The following ZMPSTE24 variants were observed in gnomAD, a reference collection of about 807,000 sequenced individuals.
ZMPSTE24 encodes the protein zinc metallopeptidase STE24.
In ZMPSTE24, 48 loss-of-function variants were observed where a neutral mutation model predicts 56.7. That is an observed-to-expected ratio of 0.85 (90% CI 0.67 to 1.08). The LOEUF (loss-of-function observed/expected upper bound fraction) is 1.08. Among genes scored for constraint, ZMPSTE24 ranks in the 50% least tolerant of loss-of-function variants. ZMPSTE24 has a pLI of 0.00. For missense variants in ZMPSTE24, 503 were observed against 548.7 expected (o/e 0.92, Z 0.83); for synonymous variants, 172 against 195.2 (o/e 0.88, Z 0.99).
rs1643865432 is a variant in ZMPSTE24 at position 40,294,085 on chromosome 1, C to T, written c.*1416C>T. On this transcript the variant is annotated 3_prime_UTR_variant, in exon 10 of 10. Coordinates refer to ENST00000372759, the MANE Select transcript of ZMPSTE24 (RefSeq NM_005857.5). ...ATTCAGCATCCTTTATCTGTGACTT[C>T]ATGCTCTGATAACTGCCTTTCCTTC... The T allele has an allele frequency of 6.5e-6, 1 of 152,716 alleles. No individual in the cohort carries two copies. The highest frequency in any genetic ancestry group is 2.4e-5 in the African/African-American group (1 of 41,480). 9.5% of individuals were successfully genotyped at this position (152,716 alleles called of 1,614,324 possible).
intron 1 of ZMPSTE24, among the ~76,000 whole-genome samples, chr1:40,260,511 C>A (rs1362212346): frequency 2.6e-5 from 4 of 152,050 alleles, no homozygotes; most frequent in African/African-American, 7.2e-5. Flanking sequence ...ATTTGTTTTC[C>A]GTATTATAGG....
chr1:40,271,694 C>A (rs1479521456), intron 5 of ZMPSTE24, among the ~76,000 whole-genome samples, 200 bp from the exon 6 acceptor site: 1 of 152,190 alleles, frequency 6.6e-6, no homozygotes, highest in African/African-American at 2.4e-5. Flanking sequence ...TCAGACTACT[C>A]ATTTCAATTT....
chr1:40,271,843 GT>G, intron 5 of ZMPSTE24, 50 bp from the exon 6 acceptor site: 1 of 1,583,946 alleles, frequency 6.3e-7, no homozygotes, highest in Non-Finnish European at 8.7e-7. Context: ...AATAAAGAAT[GT>G]TTTTTCTTTA....
In ZMPSTE24 at chr1:40,292,368, A is replaced by C. The variant is rs373420857; in HGVS notation, c.1204-77A>C. The C allele has an allele frequency of 5.3e-5, 75 of 1,413,820 alleles. 2 individuals carry two copies. Among genetic ancestry groups the C allele is most frequent in the East Asian group, 2.7e-4 (12 of 43,918 alleles). The allele number at this position is 1,413,820 out of a possible 1,614,324, so 87.6% of individuals were successfully genotyped here. The stretch of plus-strand genomic sequence containing the variant: ...CTCTTATCCCAAGCCAAACTTCTCT[A>C]CAGTCTCAGCTCATGGAACCTTTAG... On this transcript the variant is annotated intron_variant, in intron 9 of 9. Transcript: ENST00000372759.
chr1:40,281,561 GT>G (rs1162973716), intron 7 of ZMPSTE24, 34 bp downstream of exon 7: 1 of 1,599,152 alleles, frequency 6.3e-7, no homozygotes, highest in African/African-American at 1.3e-5. Context: ...TTCTACCTTA[GT>G]TTTTATACAC....
chr1:40,284,885 ACTTT>A (rs1273632818), intron 7 of ZMPSTE24, among the ~76,000 whole-genome samples: 2 of 148,304 alleles, frequency 1.3e-5, no homozygotes, highest in East Asian at 3.9e-4. Context: ...TTTGTGTCTT[ACTTT>A]CTTCACCTAA....
Position 40,292,640 on chromosome 1 carries a change from C to T in ZMPSTE24, c.1399C>T (p.Gln467Ter). Residue 467 changes from glutamine to a stop codon, truncating the protein, a stop_gained, in exon 10 of 10, where the codon CAA becomes TAA. Transcript: ENST00000372759. LOFTEE classifies it high-confidence loss of function. Reference protein sequence around the residue: ...YSHPPLLERLQALKTMKQH With the variant: ...YSHPPLLERL ...TCATCCTCCACTGCTAGAGAGACTT[C>T]AAGCTTTGAAAACTATGAAGCAACA... 6.2e-7 allele frequency: 1 copy of T among 1,614,072 alleles called. No homozygotes were observed. Among genetic ancestry groups the T allele is most frequent in the Non-Finnish European group, 8.5e-7 (1 of 1,179,980 alleles).
At chr1:40,264,361 T>G (rs1008316863) in intron 2 of ZMPSTE24, among the ~76,000 whole-genome samples, 1 of 151,430 alleles carries the variant, frequency 6.6e-6, no homozygotes, top group South Asian at 2.1e-4. Context: ...AAATAAGAAG[T>G]GTGTGGATGT....
chr1:40,290,863 T>G lies in ZMPSTE24; in HGVS notation c.1069T>G (p.Phe357Val). 6.2e-7 allele frequency: 1 copy of G among 1,614,018 alleles called. No homozygotes were observed. Among genetic ancestry groups the G allele is most frequent in the Non-Finnish European group, 8.5e-7 (1 of 1,179,988 alleles). Reference protein sequence around the residue: ...KNIIISQMNSFLCFFLFAVLI... With the variant: ...KNIIISQMNSVLCFFLFAVLI... ...ATGTCCTTCTTTCTAGATGAATTCT[T>G]TCCTGTGTTTTTTTTTATTTGCTGT... Residue 357 changes from phenylalanine (F) to valine (V), a missense_variant, in exon 9 of 10, where the codon TTC becomes GTC. Transcript: ENST00000372759.
intron 3 of ZMPSTE24, 74 bp from the exon 4 acceptor site, chr1:40,268,345 T>G (rs1222653291): frequency 3.9e-5 from 37 of 960,744 alleles, no homozygotes; most frequent in Non-Finnish European, 5.4e-5. Context: ...AGTAAGTAAG[T>G]GCTCAGCAAA....
At chr1:40,280,291 C>G (rs1469311469) in intron 6 of ZMPSTE24, among the ~76,000 whole-genome samples, 1 of 152,182 alleles carries the variant, frequency 6.6e-6, no homozygotes, top group Non-Finnish European at 1.5e-5. Context: ...CCTTTGCAAA[C>G]TTCTTGAACC....
Position 40,270,072 on chromosome 1 carries a change from T to C in ZMPSTE24, c.572T>C (p.Ile191Thr). 6.2e-7 allele frequency: 1 copy of C among 1,613,920 alleles called. No homozygotes were observed. The highest frequency in any genetic ancestry group is 1.1e-5 in the South Asian group (1 of 91,024). Residue 191 changes from isoleucine (I) to threonine (T), a missense_variant, in exon 5 of 10, where the codon ATT (isoleucine) becomes ACT (threonine). Physicochemically the swap from Ile to Thr is moderately conservative, Grantham distance 89. Coordinates refer to ENST00000372759, the MANE Select transcript of ZMPSTE24 (RefSeq NM_005857.5). ...VSSLLLYIIKIGGDYFFIYAW... is the reference protein window; with the variant it reads ...VSSLLLYIIKTGGDYFFIYAW... ...TCACTTCTACTTTACATTATTAAAATTGGGGGTGACTATTTTTTTATTTAT... is the reference window on the plus strand; with the variant it reads ...TCACTTCTACTTTACATTATTAAAACTGGGGGTGACTATTTTTTTATTTAT...
rs1361932358 is a variant in ZMPSTE24, at chr1:40,270,091, T to C, written c.591T>C (p.Phe197=). Residue 197 remains phenylalanine, a synonymous_variant, in exon 5 of 10, where the codon TTT becomes TTC. Transcript: ENST00000372759. ...TTAAAATTGGGGGTGACTATTTTTT[T>C]ATTTATGCCTGGCTGTTCACATTAG... is the stretch of plus-strand genomic sequence containing the variant. ...YIIKIGGDYF[F]IYAWLFTLVV... is the part of the protein sequence containing the mutation. 3.7e-6 allele frequency: 6 copies of C among 1,613,908 alleles called. No individual in the cohort carries two copies. Among genetic ancestry groups the C allele is most frequent in the Non-Finnish European group, 5.1e-6 (6 of 1,179,936 alleles).
chr1:40,275,752 CAAAAAA>C (rs34281343), intron 6 of ZMPSTE24, among the ~76,000 whole-genome samples: 1 of 62,668 alleles, frequency 1.6e-5, no homozygotes, highest in Non-Finnish European at 3.3e-5. Flanking sequence ...GACCCTGTCT[CAAAAAA>C]AAAAAAAAAA....
chr1:40,286,121 A>G (rs1343154604), intron 8 of ZMPSTE24, 92 bp downstream of exon 8: 1 of 1,104,818 alleles, frequency 9.1e-7, no homozygotes, highest in Non-Finnish European at 1.4e-6. Flanking sequence ...AGGCCAAGGC[A>G]GACACCACAG....
chr1:40,270,383 A>G (rs920925182), intron 5 of ZMPSTE24, among the ~76,000 whole-genome samples: 12 of 152,192 alleles, frequency 7.9e-5, no homozygotes, highest in African/African-American at 2.9e-4. Flanking sequence ...GTTGTCAGGC[A>G]GTTTTGGGTT....
In ZMPSTE24 at chr1:40,260,887, A is replaced by G. The variant is rs751855913; in HGVS notation, c.172A>G (p.Ile58Val). 1.2e-6 allele frequency: 2 copies of G among 1,614,174 alleles called. No homozygotes were observed. The highest frequency in any genetic ancestry group is 1.7e-5 in the Admixed American group (1 of 60,028). ...TCATGTACCACCGGAGTTAGGACAG[A>G]TCATGGATTCTGAAACATTTGAGAA... ...TTHVPPELGQ[I>V]MDSETFEKSR... The change falls in exon 2 of 10, where the codon ATC (isoleucine) becomes GTC (valine). Residue 58 changes from isoleucine (I) to valine (V), a missense_variant. Physicochemically the swap from Ile to Val is conservative, Grantham distance 29. Coordinates refer to ENST00000372759, the MANE Select transcript of ZMPSTE24 (RefSeq NM_005857.5).
intron 4 of ZMPSTE24, 126 bp downstream of exon 4, chr1:40,268,661 A>G (rs1643581304): frequency 5.7e-6 from 4 of 698,464 alleles, no homozygotes; most frequent in Non-Finnish European, 9.3e-6. Flanking sequence ...AGGGAACTAC[A>G]GATATGGTAA....
chr1:40,279,444 A>G (rs568136675), intron 6 of ZMPSTE24, among the ~76,000 whole-genome samples: 152 of 152,268 alleles, frequency 1.0e-3, no homozygotes, highest in African/African-American at 3.5e-3. Flanking sequence ...CAATCAACAC[A>G]TTTTTGCCAA....
Sources: allele counts gnomAD v4.1 joint callset (sites outside exome capture counted in the v4.1 genomes callset), GRCh38; gene constraint gnomAD v4.1.1; transcripts MANE v1.5; gene names NCBI Gene and HGNC (gene_info 2026-07-23, HGNC 2026-07-21).